The following RELN variants were observed in gnomAD, a reference collection of about 807,000 sequenced individuals.
The protein encoded by RELN is reelin.
In RELN, 108 loss-of-function variants were observed where a neutral mutation model predicts 427.6. That is an observed-to-expected ratio of 0.25 (90% CI 0.22 to 0.30). The LOEUF (loss-of-function observed/expected upper bound fraction) is 0.30. Ranked by LOEUF, RELN falls within the 10% of genes least tolerant of loss-of-function variation. RELN has a pLI of 1.00. For missense variants in RELN, 3,715 were observed against 4,302.8 expected (o/e 0.86, Z 3.82); for synonymous variants, 1,524 against 1,513.4 (o/e 1.01, Z -0.16).
intron 6 of RELN, among the ~76,000 whole-genome samples, chr7:103,737,533 T>C (rs1290335799): frequency 6.6e-6 from 1 of 152,230 alleles, no homozygotes; most frequent in Non-Finnish European, 1.5e-5. Flanking sequence ...TTGACTTCTT[T>C]TCGTTTGTGG....
intron 13 of RELN, 36 bp downstream of exon 13, chr7:103,654,047 GGGTGGTCTGA>G: frequency 9.5e-7 from 1 of 1,057,838 alleles, no homozygotes; most frequent in Non-Finnish European, 1.5e-6. Context: ...GGCTTGTCCA[GGGTGGTCTGA>G]GGTGGTCTAT....
chr7:103,486,140 A>G, intron 61 of RELN, 57 bp downstream of exon 61: 1 of 1,497,684 alleles, frequency 6.7e-7, no homozygotes, highest in Non-Finnish European at 9.3e-7. Context: ...GACAATGGAC[A>G]ATCACTGGGC....
chr7:103,828,757 CT>C (rs1410393915), intron 3 of RELN, among the ~76,000 whole-genome samples: 3 of 151,824 alleles, frequency 2.0e-5, no homozygotes, highest in Non-Finnish European at 4.4e-5. Context: ...AAAGTGGCAC[CT>C]CTCATTATTT....
In RELN at chr7:103,524,394, GCGATA is replaced by G. The variant is rs1307564693; in HGVS notation, c.7350-868_7350-864del. Among the ~76,000 whole-genome samples, 51 of 75,716 alleles carry G rather than the reference GCGATA, an allele frequency of 6.7e-4. No individual in the cohort carries two copies. The African/African-American group carries it at 7.5e-3, about 11-fold the overall frequency. 49.7% of individuals were successfully genotyped at this position (75,716 alleles called of 152,430 possible). A position where few individuals can be genotyped will look rare whatever the true frequency, so the allele number is the denominator to read the frequency against. ...AGACTTATTTTACATTGATATAAAA[GCGATA>G]TAAGTAAAGCTAAAACAGAGGTTCT... On this transcript the variant is annotated intron_variant, in intron 46 of 64. Transcript: ENST00000428762.
At chr7:103,761,535 C>G (rs970510644) in intron 4 of RELN, among the ~76,000 whole-genome samples, 6 of 152,126 alleles carry the variant, frequency 3.9e-5, no homozygotes, top group Non-Finnish European at 8.8e-5. Context: ...TCACTGCAAT[C>G]TCAACCTCCT....
At chr7:103,615,462 A>G (rs565417937) in intron 20 of RELN, among the ~76,000 whole-genome samples, 121 of 152,246 alleles carry the variant, frequency 7.9e-4, no homozygotes, top group South Asian at 3.7e-3. Flanking sequence ...TACCTTATTC[A>G]TCTCTGCATC....
Position 103,810,185 on chromosome 7 carries a change from T to A in RELN, c.473+23352A>T, listed in dbSNP as rs117844799. Among the ~76,000 whole-genome samples, 6 of 152,280 alleles carry A rather than the reference T, an allele frequency of 3.9e-5. No homozygotes were observed. In the East Asian group the frequency reaches 9.7e-4, roughly 24 times the overall value. On this transcript the variant is annotated intron_variant, in intron 3 of 64. Transcript: ENST00000428762. Reference sequence around the variant, plus strand: ...AAGGCACCCTACTCCCTAATACTTGTACATTTACTTTCTTTCCCTTCTGCT... The same window carrying A: ...AAGGCACCCTACTCCCTAATACTTGAACATTTACTTTCTTTCCCTTCTGCT...
chr7:103,691,227 T>A (rs533639810), intron 10 of RELN, among the ~76,000 whole-genome samples: 2 of 152,268 alleles, frequency 1.3e-5, no homozygotes, highest in African/African-American at 4.8e-5. Context: ...ATTACTCTAT[T>A]TGAAACTATT....
chr7:103,554,096 AG>A (rs1420639464), intron 38 of RELN, among the ~76,000 whole-genome samples: 1 of 151,952 alleles, frequency 6.6e-6, no homozygotes, highest in African/African-American at 2.4e-5. Flanking sequence ...CTGAGGTGGG[AG>A]GACTGCTTGG....
intron 2 of RELN, among the ~76,000 whole-genome samples, chr7:103,860,160 G>T (rs1794039252): frequency 6.6e-6 from 1 of 152,082 alleles, no homozygotes; most frequent in African/African-American, 2.4e-5. Flanking sequence ...TCTATCAATA[G>T]AAGTTGGTAA....
intron 3 of RELN, among the ~76,000 whole-genome samples, chr7:103,798,395 T>C (rs4729931): frequency 0.2 from 29,858 of 152,168 alleles, 3,114 homozygotes; most frequent in East Asian, 0.31. Flanking sequence ...CTGGCAATAA[T>C]GAGGCCTACC....
chr7:103,487,663 T>C (rs1230538826), intron 60 of RELN, among the ~76,000 whole-genome samples: 2 of 152,210 alleles, frequency 1.3e-5, no homozygotes, highest in African/African-American at 4.8e-5. Context: ...CCTTGAATGT[T>C]TACCAATGGT....
chr7:103,841,779 A>T (rs1793557493), intron 2 of RELN, among the ~76,000 whole-genome samples: 2 of 152,200 alleles, frequency 1.3e-5, no homozygotes, highest in Non-Finnish European at 2.9e-5. Flanking sequence ...ATATTTTATT[A>T]CCAAAAATAA....
chr7:103,492,162 T>C, intron 57 of RELN, 136 bp from the exon 58 acceptor site: 1 of 714,450 alleles, frequency 1.4e-6, no homozygotes, highest in South Asian at 1.5e-5. Flanking sequence ...CCTGCTGGGA[T>C]ACCAAGAATA....
In RELN at chr7:103,593,619, T is replaced by G; in HGVS notation, c.3912+63A>C. Reference sequence around the variant, plus strand: ...AATTTGTGTTCTTTGTGAGTTCCACTTATACATCTGGAAGATATTTTACTC... The same window carrying G: ...AATTTGTGTTCTTTGTGAGTTCCACGTATACATCTGGAAGATATTTTACTC... On this transcript the variant is annotated intron_variant, in intron 27 of 64. Transcript: ENST00000428762. 3 of 1,385,566 alleles carry G rather than the reference T, an allele frequency of 2.2e-6. 1 individual carries two copies. Among genetic ancestry groups the G allele is most frequent in the Non-Finnish European group, 3.1e-6 (3 of 973,160 alleles). 85.8% of individuals were successfully genotyped at this position (1,385,566 alleles called of 1,614,324 possible). A position where few individuals can be genotyped will look rare whatever the true frequency, so the allele number is the denominator to read the frequency against.
At chr7:103,955,667 T>C (rs1796418312) in intron 1 of RELN, among the ~76,000 whole-genome samples, 1 of 152,222 alleles carries the variant, frequency 6.6e-6, no homozygotes, top group South Asian at 2.1e-4. Context: ...TTTCTGACAG[T>C]GAGTTGGGCA....
intron 1 of RELN, among the ~76,000 whole-genome samples, chr7:103,987,339 C>T (rs1367382759): frequency 6.6e-6 from 1 of 152,184 alleles, no homozygotes; most frequent in Non-Finnish European, 1.5e-5. Context: ...CATTCCTTTT[C>T]AGACTTAGAT....
At chr7:103,939,984 G>C (rs140901880) in intron 1 of RELN, among the ~76,000 whole-genome samples, 1 of 152,060 alleles carries the variant, frequency 6.6e-6, no homozygotes, top group African/African-American at 2.4e-5. Flanking sequence ...TGTTTAGTTC[G>C]TGAAAACTCA....
At chr7:103,698,381 G>A (rs1834022541) in intron 9 of RELN, among the ~76,000 whole-genome samples, 1 of 152,098 alleles carries the variant, frequency 6.6e-6, no homozygotes, top group South Asian at 2.1e-4. Context: ...AAATTAAAGA[G>A]AAAATGGCAC....
Sources: allele counts gnomAD v4.1 joint callset (sites outside exome capture counted in the v4.1 genomes callset), GRCh38; gene constraint gnomAD v4.1.1; transcripts MANE v1.5; gene names NCBI Gene and HGNC (gene_info 2026-07-23, HGNC 2026-07-21).